DCDC2C: variants seen among roughly 807,000 people sequenced by gnomAD.
DCDC2C encodes doublecortin domain containing 2C, also known as doublecortin domain-containing protein 2C.
Under a neutral mutation model 45.0 loss-of-function variants are expected in DCDC2C, and 44 were observed. The ratio of observed to expected loss-of-function variants is 0.98; its 90% CI spans 0.77 to 1.26. The LOEUF (loss-of-function observed/expected upper bound fraction) is 1.26. Among genes scored for constraint, DCDC2C ranks in the 50% most tolerant of loss-of-function variants. The pLI is 0.00. For synonymous variants in DCDC2C, 187 were observed against 178.8 expected (o/e 1.05, Z -0.37); for missense variants, 447 against 468.9 (o/e 0.95, Z 0.43).
intron 6 of DCDC2C, among the ~76,000 whole-genome samples, chr2:3,758,871 C>A (rs111231209): frequency 1.6e-4 from 24 of 152,294 alleles, no homozygotes; most frequent in African/African-American, 5.8e-4. Context: ...CATCTTCCAG[C>A]AGGATGTCAC....
At chr2:3,790,974 G>T (rs1670793161) in intron 10 of DCDC2C, among the ~76,000 whole-genome samples, 1 of 152,102 alleles carries the variant, frequency 6.6e-6, no homozygotes, top group African/African-American at 2.4e-5. Flanking sequence ...GCCAGGCGTG[G>T]TGGTGGGCAC....
chr2:3,706,759 G>C (rs189883011), intron 1 of DCDC2C, among the ~76,000 whole-genome samples: 3 of 152,338 alleles, frequency 2.0e-5, no homozygotes, highest in Admixed American at 1.3e-4. Context: ...GCAGATGACA[G>C]GAGAAAGAGG....
chr2:3,826,066 A>T (rs1295297827), intron 10 of DCDC2C, among the ~76,000 whole-genome samples: 2 of 152,222 alleles, frequency 1.3e-5, no homozygotes, highest in African/African-American at 4.8e-5. Context: ...GAAAAAAGAT[A>T]TGTCAAAGAA....
chr2:3,834,750 A>G (rs1046329917), intron 10 of DCDC2C, among the ~76,000 whole-genome samples: 15 of 152,136 alleles, frequency 9.9e-5, no homozygotes, highest in African/African-American at 2.9e-4. Context: ...GGAGGGAGCA[A>G]TCTATAAATT....
intron 10 of DCDC2C, among the ~76,000 whole-genome samples, chr2:3,790,235 T>C (rs1670768355): frequency 6.6e-6 from 1 of 152,244 alleles, no homozygotes; most frequent in Admixed American, 6.5e-5. Context: ...GTAGTTGATT[T>C]GCTACTAGCT....
intron 2 of DCDC2C, among the ~76,000 whole-genome samples, chr2:3,712,267 C>T (rs1668231816): frequency 6.6e-6 from 1 of 152,164 alleles, no homozygotes; most frequent in Non-Finnish European, 1.5e-5. Context: ...GGCTGCCCGT[C>T]ACTCCCAGTG....
intron 10 of DCDC2C, among the ~76,000 whole-genome samples, chr2:3,810,321 G>A (rs1671362744): frequency 1.3e-5 from 2 of 152,196 alleles, no homozygotes; most frequent in South Asian, 4.1e-4. Context: ...TTGTGGTTTT[G>A]ATTTGCATTT....
intron 10 of DCDC2C, among the ~76,000 whole-genome samples, chr2:3,802,475 G>T (rs1023422589): frequency 1.3e-5 from 2 of 152,210 alleles, no homozygotes; most frequent in African/African-American, 4.8e-5. Context: ...AGTATAGGCT[G>T]CTATAGCAGA....
At chr2:3,745,881 T>C (rs1318980347) in intron 4 of DCDC2C, among the ~76,000 whole-genome samples, 2 of 152,112 alleles carry the variant, frequency 1.3e-5, no homozygotes. Flanking sequence ...GACTAATTTT[T>C]TTTTTTTTTT....
At chr2:3,787,319 C>T (rs1462454333) in intron 10 of DCDC2C, among the ~76,000 whole-genome samples, 1 of 152,196 alleles carries the variant, frequency 6.6e-6, no homozygotes, top group Non-Finnish European at 1.5e-5. Context: ...TTCTCTGAGC[C>T]TCGGTTTCCT....
Position 3,842,571 on chromosome 2 carries a change from A to G in DCDC2C, c.1066-4583A>G, listed in dbSNP as rs896344682. On this transcript the variant is annotated intron_variant, in intron 10 of 10. Transcript: ENST00000399143. Reference sequence around the variant, plus strand: ...GAGGAAGGAATAGTATGTGAGGAAGATGGAGATACAGACAAGGTTCAGCTT... The same window carrying G: ...GAGGAAGGAATAGTATGTGAGGAAGGTGGAGATACAGACAAGGTTCAGCTT... Among the ~76,000 whole-genome samples the G allele has an allele frequency of 3.3e-5, 5 of 150,102 alleles. No homozygotes were observed. In the East Asian group the frequency reaches 1.0e-3, roughly 30 times the overall value.
intron 2 of DCDC2C, among the ~76,000 whole-genome samples, chr2:3,717,789 T>C (rs11886362): frequency 0.049 from 7,445 of 152,290 alleles, 637 homozygotes; most frequent in African/African-American, 0.17. Flanking sequence ...GATCCAGTCC[T>C]TGATGGATTT....
chr2:3,802,634 A>G (rs1225228934), intron 10 of DCDC2C, among the ~76,000 whole-genome samples: 1 of 152,122 alleles, frequency 6.6e-6, no homozygotes, highest in Non-Finnish European at 1.5e-5. Flanking sequence ...CTATGTCCTC[A>G]TGTGGTGGAA....
chr2:3,792,982 T>G (rs73146846), intron 10 of DCDC2C, among the ~76,000 whole-genome samples: 4,993 of 152,338 alleles, frequency 0.033, 278 homozygotes, highest in African/African-American at 0.11. Flanking sequence ...AGAACTGAGA[T>G]TCGCCGTTCA....
At position 3,779,477 on chromosome 2, in the gene DCDC2C, C is replaced by T. The variant is rs755926019; in HGVS notation, c.1023+593C>T. Among the ~76,000 whole-genome samples, 6 of 152,332 alleles carry T rather than the reference C, an allele frequency of 3.9e-5. No individual in the cohort carries two copies. The South Asian group carries it at 6.2e-4, about 16-fold the overall frequency. ...TCCTCTATGAGATTATGCAACTTATCGTCCACATAAAATGTGTGTATCTGG... is the reference window on the plus strand; with the variant it reads ...TCCTCTATGAGATTATGCAACTTATTGTCCACATAAAATGTGTGTATCTGG... On this transcript the variant is annotated intron_variant, in intron 9 of 10. Transcript: ENST00000399143.
In DCDC2C at chr2:3,769,208, C is replaced by T. The variant is rs1670094782; in HGVS notation, c.854-103C>T. On this transcript the variant is annotated intron_variant, in intron 7 of 10. Coordinates refer to ENST00000399143, the MANE Select transcript of DCDC2C (RefSeq NM_001287444.2). ...CAGACCAGGTGGCCTGCCCGAAGCT[C>T]CAGGATGCCCGGCTTCGTAACTTGG... The T allele has an allele frequency of 4.4e-6, 5 of 1,131,568 alleles. No homozygotes were observed. In the East Asian group the frequency reaches 7.8e-5, roughly 18 times the overall value. The allele number at this position is 1,131,568 out of a possible 1,614,324, so 70.1% of individuals were successfully genotyped here.
intron 10 of DCDC2C, among the ~76,000 whole-genome samples, chr2:3,815,993 C>A (rs949109464): frequency 6.6e-6 from 1 of 151,302 alleles, no homozygotes; most frequent in African/African-American, 2.4e-5. Context: ...ATTGGGGTGG[C>A]AAAAATTTTT....
At chr2:3,715,059 C>A (rs1668314939) in intron 2 of DCDC2C, among the ~76,000 whole-genome samples, 1 of 152,154 alleles carries the variant, frequency 6.6e-6, no homozygotes, top group South Asian at 2.1e-4. Flanking sequence ...TACACATATA[C>A]CTACATACAT....
At chr2:3,835,084 G>A (rs192048644) in intron 10 of DCDC2C, among the ~76,000 whole-genome samples, 10 of 152,234 alleles carry the variant, frequency 6.6e-5, no homozygotes, top group Admixed American at 3.3e-4. Context: ...ATAAATACAC[G>A]AGTTTGCCTT....
Sources: gnomAD v4.1 joint callset for allele counts (sites outside exome capture counted in the v4.1 genomes callset) on GRCh38, gnomAD v4.1.1 for gene constraint, MANE v1.5 for transcripts, NCBI Gene and HGNC (gene_info 2026-07-23, HGNC 2026-07-21) for gene names.